Variants in CASQ2 observed in about 807,000 individuals in gnomAD.
CASQ2 encodes the protein calsequestrin-2.
Under a neutral mutation model 46.5 loss-of-function variants are expected in CASQ2, and 49 were observed. That is an observed-to-expected ratio of 1.05 (90% CI 0.84 to 1.34). The LOEUF is 1.34. Ranked by LOEUF, CASQ2 falls within the 40% of genes most tolerant of loss-of-function variation. The pLI is 0.00. For synonymous variants in CASQ2, 174 were observed against 168.5 expected, an observed-to-expected ratio of 1.03 and a Z score of -0.25; for missense variants, 486 against 481.3, an observed-to-expected ratio of 1.01 and a Z score of -0.09.
intron 1 of CASQ2, among the ~76,000 whole-genome samples, chr1:115,761,993 C>T (rs1440519996): frequency 1.3e-5 from 2 of 152,204 alleles, no homozygotes; most frequent in African/African-American, 2.4e-5. Context: ...GGTAGCAGAG[C>T]ATCCCAACAG....
chr1:115,751,787 T>C (rs1487203396), intron 1 of CASQ2, among the ~76,000 whole-genome samples: 3 of 152,204 alleles, frequency 2.0e-5, no homozygotes, highest in African/African-American at 7.2e-5. Flanking sequence ...CAGTGGGCTG[T>C]GATGAATACT....
At chr1:115,725,816 G>T (rs1647564157) in intron 6 of CASQ2, among the ~76,000 whole-genome samples, 1 of 152,102 alleles carries the variant, frequency 6.6e-6, no homozygotes, top group Non-Finnish European at 1.5e-5. Flanking sequence ...ACAAACAATG[G>T]GTCAGAGGGC....
In CASQ2 at chr1:115,700,075, A is replaced by G. The variant is rs954469949; in HGVS notation, c.*1166T>C. 2.0e-5 allele frequency: 3 copies of G among 152,574 alleles called. No individual in the cohort carries two copies. The highest frequency in any genetic ancestry group is 4.4e-5 in the Non-Finnish European group (3 of 68,038). The allele number at this position is 152,574 out of a possible 1,614,324, so 9.5% of individuals were successfully genotyped here. A position where few individuals can be genotyped will look rare whatever the true frequency, so the allele number is the denominator to read the frequency against. ...ATTAGTTAGCTAGTATTCCACAAAA[A>G]GTATTGCTCTATTTTCAAAAAATTT... On this transcript the variant is annotated 3_prime_UTR_variant, in exon 11 of 11. Transcript: ENST00000261448.
At chr1:115,727,833 C>A (rs995246827) in intron 5 of CASQ2, among the ~76,000 whole-genome samples, 2 of 152,192 alleles carry the variant, frequency 1.3e-5, no homozygotes, top group Non-Finnish European at 2.9e-5. Flanking sequence ...CATCTTACAA[C>A]AGATAAAGAG....
At chr1:115,705,657 T>C (rs1654337900) in intron 8 of CASQ2, among the ~76,000 whole-genome samples, 1 of 152,154 alleles carries the variant, frequency 6.6e-6, no homozygotes, top group African/African-American at 2.4e-5. Flanking sequence ...TGCTTTGCTG[T>C]CCCCTAGAGT....
chr1:115,700,787 G>A lies in CASQ2; in HGVS notation c.*454C>T. On this transcript the variant is annotated 3_prime_UTR_variant, in exon 11 of 11. Coordinates refer to ENST00000261448, the MANE Select transcript of CASQ2 (RefSeq NM_001232.4). The stretch of plus-strand genomic sequence containing the variant: ...GGAGGGATCCCAACTGATGTTCGAG[G>A]TATGGAGGGAGCTAAATCATTAATC... The A allele has an allele frequency of 4.2e-6, 2 of 474,720 alleles. No individual in the cohort carries two copies. Among genetic ancestry groups the A allele is most frequent in the East Asian group, 3.1e-5 (1 of 31,922 alleles). The allele number at this position is 474,720 out of a possible 1,614,324, so 29.4% of individuals were successfully genotyped here. A position where few individuals can be genotyped will look rare whatever the true frequency, so the allele number is the denominator to read the frequency against.
At position 115,701,118 on chromosome 1, in the gene CASQ2, A is replaced by G. The variant is rs1033929491; in HGVS notation, c.*123T>C. ...CCTGACGCAAAGGGAGTGGGAAAAG[A>G]GATGATGGAAAAGGGAAAGGAGCTG... On this transcript the variant is annotated 3_prime_UTR_variant, in exon 11 of 11. Transcript: ENST00000261448. The G allele has an allele frequency of 6.9e-7, 1 of 1,449,584 alleles. No individual in the cohort carries two copies. The highest frequency in any genetic ancestry group is 9.7e-7 in the Non-Finnish European group (1 of 1,033,216). The allele number at this position is 1,449,584 out of a possible 1,614,324, so 89.8% of individuals were successfully genotyped here. A position where few individuals can be genotyped will look rare whatever the true frequency, so the allele number is the denominator to read the frequency against.
intron 8 of CASQ2, among the ~76,000 whole-genome samples, chr1:115,710,001 C>A (rs1654490413): frequency 6.6e-6 from 1 of 151,624 alleles, no homozygotes; most frequent in South Asian, 2.1e-4. Flanking sequence ...CACCACCATG[C>A]AGTTAATTTT....
chr1:115,719,483 A>C (rs1406230686), intron 7 of CASQ2, among the ~76,000 whole-genome samples: 4 of 152,200 alleles, frequency 2.6e-5, no homozygotes, highest in African/African-American at 9.7e-5. Flanking sequence ...TAGAATTAAG[A>C]ATCCATATTT....
intron 1 of CASQ2, among the ~76,000 whole-genome samples, chr1:115,760,756 T>C (rs1648909175): frequency 6.6e-6 from 1 of 152,204 alleles, no homozygotes; most frequent in African/African-American, 2.4e-5. Flanking sequence ...TTCTAATATG[T>C]GGCCAAAGTT....
intron 1 of CASQ2, among the ~76,000 whole-genome samples, chr1:115,753,444 C>T (rs377364426): frequency 4.9e-4 from 75 of 152,282 alleles, no homozygotes; most frequent in African/African-American, 1.6e-3. Context: ...CCCATGAGGC[C>T]TCTCATCTCA....
rs747288133 is a variant in CASQ2 at position 115,702,988 on chromosome 1, G to A, written c.947C>T (p.Ala316Val). ...IDPDDFPLLVAYWEKTFKIDL... is the reference protein window; with the variant it reads ...IDPDDFPLLVVYWEKTFKIDL... Reference sequence around the variant, plus strand: ...AATCTTGAAAGTCTTCTCCCAGTAGGCAACGAGCTGCAGCAACAAAAAAAT... The same window carrying A: ...AATCTTGAAAGTCTTCTCCCAGTAGACAACGAGCTGCAGCAACAAAAAAAT... The change falls in exon 10 of 11, where the codon GCC becomes GTC. Residue 316 changes from alanine to valine, a missense_variant. Ala to Val is a moderately conservative substitution (Grantham distance 64). Coordinates refer to ENST00000261448, the MANE Select transcript of CASQ2 (RefSeq NM_001232.4). The A allele has an allele frequency of 5.0e-6, 8 of 1,612,512 alleles. No homozygotes were observed. The South Asian group carries it at 7.7e-5, about 16-fold the overall frequency.
chr1:115,727,156 GAA>G, intron 5 of CASQ2, 34 bp from the exon 6 acceptor site: 3 of 1,504,874 alleles, frequency 2.0e-6, no homozygotes, highest in Non-Finnish European at 2.8e-6. Context: ...AAGTTTATTT[GAA>G]TACTAGTCTA....
At chr1:115,748,526 CT>C (rs1648465794) in intron 1 of CASQ2, among the ~76,000 whole-genome samples, 1 of 134,060 alleles carries the variant, frequency 7.5e-6, no homozygotes. Context: ...ACCCCCACCC[CT>C]CATTCAGCTT....
At chr1:115,752,344 G>GA (rs1648610988) in intron 1 of CASQ2, among the ~76,000 whole-genome samples, 1 of 152,184 alleles carries the variant, frequency 6.6e-6, no homozygotes, top group Non-Finnish European at 1.5e-5. Context: ...TAAGCTCTAT[G>GA]TCCACGTCTG....
At chr1:115,726,947 T>TCC in intron 6 of CASQ2, 45 bp downstream of exon 6, 46 of 1,036,494 alleles carry the variant, frequency 4.4e-5, no homozygotes, top group African/African-American at 6.3e-5. Context: ...TCCTCTCCAT[T>TCC]CCCCAGACCC....
chr1:115,768,389 C>G lies in CASQ2; in HGVS notation c.153G>C (p.Leu51Phe). The change falls in exon 1 of 11, where the codon TTG (leucine) becomes TTC (phenylalanine). Residue 51 changes from leucine to phenylalanine, a missense_variant. Leu to Phe is a conservative substitution (Grantham distance 22). Coordinates refer to ENST00000261448, the MANE Select transcript of CASQ2 (RefSeq NM_001232.4). ...CCGGCTCATGGTAGTAGAGGCAAAG[C>G]AAGTCATATTTCTTTAAAACCTGCT... Reference protein sequence around the residue: ...NFKQVLKKYDLLCLYYHEPVS... With the variant: ...NFKQVLKKYDFLCLYYHEPVS... 1 of 1,614,020 alleles carries G rather than the reference C, an allele frequency of 6.2e-7. No homozygotes were observed. The highest frequency in any genetic ancestry group is 1.3e-5 in the African/African-American group (1 of 75,012).
chr1:115,757,135 C>G (rs776677960), intron 1 of CASQ2, among the ~76,000 whole-genome samples: 2 of 152,064 alleles, frequency 1.3e-5, no homozygotes, highest in African/African-American at 2.4e-5. Context: ...GTTCGTGAAA[C>G]CTTTATTTCC....
chr1:115,716,280 G>A (rs576195737), intron 8 of CASQ2, among the ~76,000 whole-genome samples: 1 of 152,294 alleles, frequency 6.6e-6, no homozygotes, highest in Admixed American at 6.5e-5. Context: ...TGAAAAGAGT[G>A]AAACCAGAGA....
Sources: gnomAD v4.1 joint callset for allele counts (sites outside exome capture counted in the v4.1 genomes callset) on GRCh38, gnomAD v4.1.1 for gene constraint, MANE v1.5 for transcripts, NCBI Gene and HGNC (gene_info 2026-07-23, HGNC 2026-07-21) for gene names.